Variants in ATRN observed in about 807,000 individuals in gnomAD.
ATRN encodes attractin-2.
In ATRN, 54 loss-of-function variants were observed where a neutral mutation model predicts 178.7. The ratio of observed to expected loss-of-function variants is 0.30; its 90% confidence interval spans 0.24 to 0.38. The LOEUF (loss-of-function observed/expected upper bound fraction) is 0.38, where lower values mean the gene tolerates loss of function less well. Among genes scored for constraint, ATRN ranks in the 10% least tolerant of loss-of-function variants. ATRN has a pLI of 1.00. For synonymous variants in ATRN, 636 were observed against 663.0 expected (o/e 0.96, Z 0.63); for missense variants, 1,443 against 1,815.1 (o/e 0.79, Z 3.73).
At chr20:3,490,022 G>T in intron 1 of ATRN, 1 of 1,013,270 alleles carries the variant, frequency 9.9e-7, no homozygotes, top group Non-Finnish European at 1.6e-6. Flanking sequence ...GCTGTTCCCT[G>T]AGAGTCAGAG....
At chr20:3,591,808 C>T (rs117882745) in intron 19 of ATRN, among the ~76,000 whole-genome samples, 2 of 152,200 alleles carry the variant, frequency 1.3e-5, no homozygotes, top group African/African-American at 4.8e-5. Flanking sequence ...CCTCCTCCCC[C>T]CATCAGGAGG....
rs758687497 is a variant in ATRN, at chr20:3,645,675, C to T, written c.4166-1048C>T. Among the ~76,000 whole-genome samples, 9 of 116,884 alleles carry T rather than the reference C, an allele frequency of 7.7e-5. No individual in the cohort carries two copies. Among genetic ancestry groups the T allele is most frequent in the Non-Finnish European group, 1.3e-4 (6 of 46,184 alleles). 76.7% of individuals were successfully genotyped at this position (116,884 alleles called of 152,430 possible). ...GGCCGTCCTTGCTGCCCCTTCTGTA[C>T]CCCCTGTTTTAAGTGGTGCCCTTTT... On this transcript the variant is annotated intron_variant, in intron 28 of 28. Coordinates refer to ENST00000262919, the MANE Select transcript of ATRN (RefSeq NM_139321.3). This position sits in a 1 kb window ranked among gnomAD's most constrained non-coding sequence, Gnocchi z 4.7.
intron 24 of ATRN, among the ~76,000 whole-genome samples, chr20:3,604,903 C>T (rs536347710): frequency 4.9e-4 from 74 of 152,302 alleles, no homozygotes; most frequent in African/African-American, 1.5e-3. Context: ...GGCCAGTGTA[C>T]TCCCTCTTGT....
chr20:3,587,923 G>T (rs2086380772), intron 18 of ATRN, among the ~76,000 whole-genome samples: 1 of 152,150 alleles, frequency 6.6e-6, no homozygotes, highest in Non-Finnish European at 1.5e-5. Flanking sequence ...TTGGCTCACT[G>T]CAGCCTCCGC....
In ATRN at chr20:3,629,235, G is replaced by T. The variant is rs1040392043; in HGVS notation, c.3863+4663G>T. On this transcript the variant is annotated intron_variant, in intron 25 of 28. Transcript: ENST00000262919. ...AAAAAGTCCAGAGAAGACCTTTAAA[G>T]ATCATGTATCTAGCCCCTTACCTTC... The T allele has an allele frequency of 1.1e-5, 11 of 985,240 alleles. No individual in the cohort carries two copies. In the African/African-American group the frequency reaches 1.9e-4, roughly 17 times the overall value. 61.0% of individuals were successfully genotyped at this position (985,240 alleles called of 1,614,324 possible).
chr20:3,559,498 C>T lies in ATRN; in HGVS notation c.1203+15C>T, dbSNP rs2085923042. On this transcript the variant is annotated intron_variant, in intron 7 of 28. Transcript: ENST00000262919. ...CATTATACAAGGTAAAGCATCTCCACTCTGTGCTAAGCAAGAAACTAAGTT... is the reference window on the plus strand; with the variant it reads ...CATTATACAAGGTAAAGCATCTCCATTCTGTGCTAAGCAAGAAACTAAGTT... The T allele has an allele frequency of 6.3e-7, 1 of 1,591,922 alleles. No homozygotes were observed. The highest frequency in any genetic ancestry group is 8.6e-7 in the Non-Finnish European group (1 of 1,160,006).
chr20:3,502,950 C>T (rs1490719536), intron 1 of ATRN, among the ~76,000 whole-genome samples: 1 of 152,092 alleles, frequency 6.6e-6, no homozygotes, highest in Non-Finnish European at 1.5e-5. Flanking sequence ...TTACAGAAGA[C>T]CTCTTTGTCT....
rs34028518 is a variant in ATRN at position 3,609,714 on chromosome 20, ATGTGTG to A, written c.3801+5484_3801+5489del. Among the ~76,000 whole-genome samples, 641 of 146,208 alleles carry A rather than the reference ATGTGTG, an allele frequency of 4.4e-3. 1 individual carries two copies. Among genetic ancestry groups the A allele is most frequent in the Non-Finnish European group, 5.1e-3 (341 of 66,742 alleles). Reference sequence around the variant, plus strand: ...GATAAACAAAATGTGGTATGTATGTATGTGTGTGTGTGTGTGTGTGTGTGTGTGTGT... The same window carrying A: ...GATAAACAAAATGTGGTATGTATGTATGTGTGTGTGTGTGTGTGTGTGTGT... On this transcript the variant is annotated intron_variant, in intron 24 of 28. Transcript: ENST00000262919.
chr20:3,590,509 C>G (rs2086426095), intron 18 of ATRN, among the ~76,000 whole-genome samples: 1 of 152,160 alleles, frequency 6.6e-6, no homozygotes, highest in African/African-American at 2.4e-5. Context: ...ATATACCTTT[C>G]TAGTTGTAAA....
At chr20:3,545,283 G>T (rs1342540412) in intron 3 of ATRN, among the ~76,000 whole-genome samples, 2 of 150,050 alleles carry the variant, frequency 1.3e-5, no homozygotes, top group Non-Finnish European at 3.0e-5. Flanking sequence ...CAGGAGAATC[G>T]CTTGAACCCC....
At chr20:3,527,426 A>T (rs1234891389) in intron 1 of ATRN, among the ~76,000 whole-genome samples, 1 of 152,174 alleles carries the variant, frequency 6.6e-6, no homozygotes, top group African/African-American at 2.4e-5. Context: ...AGGAAACAAC[A>T]GATGCTGGAG....
intron 1 of ATRN, among the ~76,000 whole-genome samples, chr20:3,527,137 ACAGG>A (rs1234162444): frequency 6.6e-6 from 1 of 152,226 alleles, no homozygotes; most frequent in Non-Finnish European, 1.5e-5. Flanking sequence ...ATCAGAGTGA[ACAGG>A]CAACCTACAG....
At chr20:3,566,098 A>G (rs1232595382) in intron 11 of ATRN, among the ~76,000 whole-genome samples, 1 of 152,134 alleles carries the variant, frequency 6.6e-6, no homozygotes, top group Non-Finnish European at 1.5e-5. Flanking sequence ...TAGGTTGTCA[A>G]GTTCCTAGTA....
chr20:3,497,260 T>C (rs2084893539), intron 1 of ATRN, among the ~76,000 whole-genome samples: 1 of 151,294 alleles, frequency 6.6e-6, no homozygotes, highest in Admixed American at 6.6e-5. Context: ...CTAGTCTCGA[T>C]GGTCTTTACA....
At chr20:3,511,632 A>C (rs1038131375) in intron 1 of ATRN, among the ~76,000 whole-genome samples, 26 of 152,340 alleles carry the variant, frequency 1.7e-4, no homozygotes, top group Admixed American at 1.5e-3. Context: ...GTTGTACCAG[A>C]GGTGATTGAT....
At chr20:3,641,217 A>G (rs1193922995) in intron 27 of ATRN, among the ~76,000 whole-genome samples, 1 of 152,214 alleles carries the variant, frequency 6.6e-6, no homozygotes, top group East Asian at 1.9e-4. Flanking sequence ...ATGTGAATAT[A>G]CTTAATACCA....
At chr20:3,600,791 T>C (rs575358682) in intron 22 of ATRN, among the ~76,000 whole-genome samples, 155 bp from the exon 23 acceptor site, 6 of 152,356 alleles carry the variant, frequency 3.9e-5, no homozygotes, top group African/African-American at 1.2e-4. Context: ...TAAGGAAAAT[T>C]GGTTAGAAAT....
chr20:3,506,239 C>T (rs2085042244), intron 1 of ATRN, among the ~76,000 whole-genome samples: 1 of 152,172 alleles, frequency 6.6e-6, no homozygotes, highest in Non-Finnish European at 1.5e-5. Context: ...CTCTGTATTG[C>T]TCCTTATAAC....
In ATRN at chr20:3,547,202, TA is replaced by T. The variant is rs2085716387; in HGVS notation, c.738-79del. ...GAATGAACTGAGACAGTGAGATTCT[TA>T]AACTTGTGTGGGAGGAAGTTATGCT... is the stretch of plus-strand genomic sequence containing the variant. On this transcript the variant is annotated intron_variant, in intron 4 of 28. Transcript: ENST00000262919. 1.1e-4 allele frequency: 125 copies of T among 1,124,472 alleles called. No homozygotes were observed. In the South Asian group the frequency reaches 1.6e-3, roughly 15 times the overall value. The allele number at this position is 1,124,472 out of a possible 1,614,324, so 69.7% of individuals were successfully genotyped here. A position where few individuals can be genotyped will look rare whatever the true frequency, so the allele number is the denominator to read the frequency against.
Sources: gnomAD v4.1 joint callset for allele counts (sites outside exome capture counted in the v4.1 genomes callset) on GRCh38, gnomAD v4.1.1 for gene constraint, Gnocchi (gnomAD v3.1) non-coding constraint, MANE v1.5 for transcripts, NCBI Gene and HGNC (gene_info 2026-07-23, HGNC 2026-07-21) for gene names.